Variants in TMEM181 observed in about 807,000 individuals in gnomAD.
TMEM181 encodes G protein-coupled receptor 178.
A neutral mutation model predicts 71.9 loss-of-function variants in TMEM181; 39 were observed. The ratio of observed to expected loss-of-function variants is 0.54; its 90% confidence interval spans 0.42 to 0.71. The LOEUF (loss-of-function observed/expected upper bound fraction) is 0.71, where lower values mean the gene tolerates loss of function less well. Among genes scored for constraint, TMEM181 ranks in the 30% least tolerant of loss-of-function variants. The pLI is 0.00. For synonymous variants in TMEM181, 245 were observed against 228.8 expected (o/e 1.07, Z -0.64); for missense variants, 595 against 583.0 (o/e 1.02, Z -0.21).
chr6:158,625,619 C>A, intron 12 of TMEM181, 84 bp from the exon 13 acceptor site: 1 of 1,270,520 alleles, frequency 7.9e-7, no homozygotes, highest in South Asian at 1.3e-5. Context: ...AAGAGCTTTG[C>A]TTAATTTTTG....
At chr6:158,545,852 T>C (rs1419313092) in intron 1 of TMEM181, among the ~76,000 whole-genome samples, 1 of 152,104 alleles carries the variant, frequency 6.6e-6, no homozygotes, top group Non-Finnish European at 1.5e-5. Flanking sequence ...TCCCATTCTT[T>C]TTAATACACC....
intron 5 of TMEM181, among the ~76,000 whole-genome samples, chr6:158,586,117 T>A (rs1403019730): frequency 6.6e-6 from 1 of 152,188 alleles, no homozygotes; most frequent in Admixed American, 6.5e-5. Flanking sequence ...TTTTTGAGCA[T>A]CTACTTCAGA....
chr6:158,585,258 G>A lies in TMEM181; in HGVS notation c.260-46G>A, dbSNP rs1783701939. The A allele has an allele frequency of 2.6e-6, 4 of 1,532,224 alleles. No homozygotes were observed. The South Asian group carries it at 5.2e-5, about 20-fold the overall frequency. 94.9% of individuals were successfully genotyped at this position (1,532,224 alleles called of 1,614,324 possible). Reference sequence around the variant, plus strand: ...GCCAGGAAGGCACCTTTGTAGGTGTGATGTGCCTGGCATGGTCTCTAACAC... The same window carrying A: ...GCCAGGAAGGCACCTTTGTAGGTGTAATGTGCCTGGCATGGTCTCTAACAC... On this transcript the variant is annotated intron_variant, in intron 4 of 16. Transcript: ENST00000684151.
upstream of TMEM181, among the ~76,000 whole-genome samples, chr6:158,556,622 A>G (rs936936324): frequency 6.6e-6 from 1 of 152,200 alleles, no homozygotes; most frequent in Admixed American, 6.5e-5. Context: ...TACTGGGCAG[A>G]TGTCCTCGCA....
In TMEM181 at chr6:158,562,373, T is replaced by C. The variant is rs373613424; in HGVS notation, c.8+2141T>C. Among the ~76,000 whole-genome samples, 24 of 152,064 alleles carry C rather than the reference T, an allele frequency of 1.6e-4. No homozygotes were observed. The South Asian group carries it at 4.8e-3, about 30-fold the overall frequency. ...GTTTGAGCTACAGGGCTGCACGGAG[T>C]TGAGACTCTCATGCTCACATGTTGC... On this transcript the variant is annotated intron_variant, in intron 1 of 16. Transcript: ENST00000684151.
At chr6:158,545,007 C>T (rs1460602394) in intron 1 of TMEM181, among the ~76,000 whole-genome samples, 3 of 152,202 alleles carry the variant, frequency 2.0e-5, no homozygotes, top group Admixed American at 1.3e-4. Flanking sequence ...GAAAACGCCC[C>T]GGGGTGACGG....
In TMEM181 at chr6:158,621,945, C is replaced by T. The variant is rs746284; in HGVS notation, c.897-1605C>T. Among the ~76,000 whole-genome samples, 1,055 of 152,294 alleles carry T rather than the reference C, an allele frequency of 6.9e-3. 11 individuals are homozygous for T. The highest frequency in any genetic ancestry group is 0.025 in the African/African-American group (1,026 of 41,550). ...CATGGCTGCTGGACCCATGGGCTCC[C>T]GCAGCTCGCCCACCTGCCCTGGGCT... On this transcript the variant is annotated intron_variant, in intron 10 of 16. Coordinates refer to ENST00000684151, the MANE Select transcript of TMEM181 (RefSeq NM_001376852.1).
intron 1 of TMEM181, among the ~76,000 whole-genome samples, chr6:158,562,424 G>A (rs1362600938): frequency 6.7e-6 from 1 of 149,580 alleles, no homozygotes; most frequent in Non-Finnish European, 1.5e-5. Flanking sequence ...GCATTTCTCT[G>A]CAAATTTAAA....
chr6:158,554,643 T>C (rs186964526), intron 1 of TMEM181, among the ~76,000 whole-genome samples: 1 of 152,390 alleles, frequency 6.6e-6, no homozygotes, highest in East Asian at 1.9e-4. Context: ...ATATTTTATA[T>C]GAAAGCTCAT....
At chr6:158,617,246 T>C (rs1410460869) in intron 10 of TMEM181, among the ~76,000 whole-genome samples, 2 of 152,234 alleles carry the variant, frequency 1.3e-5, no homozygotes, top group African/African-American at 4.8e-5. Context: ...ATCTATTTCT[T>C]CCAGATTTTC....
intron 1 of TMEM181, among the ~76,000 whole-genome samples, chr6:158,543,391 A>G (rs1188301922): frequency 1.3e-5 from 2 of 152,158 alleles, no homozygotes; most frequent in Non-Finnish European, 2.9e-5. Flanking sequence ...CTTGAAGTGG[A>G]CCTCGTTCCC....
intron 2 of TMEM181, among the ~76,000 whole-genome samples, chr6:158,577,434 C>T (rs1349982866): frequency 6.6e-6 from 1 of 152,024 alleles, no homozygotes; most frequent in Non-Finnish European, 1.5e-5. Context: ...GAAAAATGAA[C>T]AGAGACTGAG....
In TMEM181 at chr6:158,605,240, A is replaced by G. The variant is rs201469137; in HGVS notation, c.493-27A>G. 2.5e-6 allele frequency: 4 copies of G among 1,594,432 alleles called. No homozygotes were observed. In the African/African-American group the frequency reaches 4.0e-5, roughly 16 times the overall value. ...CTTAGATGCATATATATTTTTTTCA[A>G]ATTGTTTTCTCCACTTTCTATTTTA... On this transcript the variant is annotated intron_variant, in intron 6 of 16. Transcript: ENST00000684151.
intron 1 of TMEM181, among the ~76,000 whole-genome samples, chr6:158,562,194 C>T (rs577989848): frequency 1.6e-4 from 24 of 152,284 alleles, no homozygotes; most frequent in African/African-American, 5.5e-4. Context: ...GAGAGATTGC[C>T]ATCAAAACTC....
intron 1 of TMEM181, among the ~76,000 whole-genome samples, chr6:158,568,571 T>C (rs1782642574): frequency 6.6e-6 from 1 of 152,238 alleles, no homozygotes; most frequent in African/African-American, 2.4e-5. Context: ...CATCACAGAC[T>C]TGCCTCTATG....
chr6:158,553,433 A>G (rs1781778162), intron 1 of TMEM181, among the ~76,000 whole-genome samples: 1 of 152,238 alleles, frequency 6.6e-6, no homozygotes, highest in Non-Finnish European at 1.5e-5. Context: ...TAGCCTGTGC[A>G]TATCAGGTGT....
intron 14 of TMEM181, 136 bp from the exon 15 acceptor site, chr6:158,629,594 G>A: frequency 1.4e-6 from 1 of 689,866 alleles, no homozygotes; most frequent in Non-Finnish European, 2.5e-6. Context: ...CCTGACGTCT[G>A]GGTAATGGAC....
chr6:158,579,296 G>T (rs1371795108), intron 2 of TMEM181, among the ~76,000 whole-genome samples: 1 of 149,694 alleles, frequency 6.7e-6, no homozygotes, highest in Non-Finnish European at 1.5e-5. Context: ...CTTGATATTT[G>T]TACACCCATG....
intron 1 of TMEM181, among the ~76,000 whole-genome samples, chr6:158,550,910 A>G (rs990519848): frequency 8.0e-5 from 12 of 150,890 alleles, no homozygotes; most frequent in Admixed American, 2.0e-4. Context: ...AAAAAAAAAA[A>G]AAAGAACCAA....
Sources: allele counts gnomAD v4.1 joint callset (sites outside exome capture counted in the v4.1 genomes callset), GRCh38; gene constraint gnomAD v4.1.1; transcripts MANE v1.5; gene names NCBI Gene and HGNC (gene_info 2026-07-23, HGNC 2026-07-21).